Variants in ELAPOR2 observed in about 807,000 individuals in gnomAD.
ELAPOR2 encodes the protein endosome-lysosome associated apoptosis and autophagy regulator family member 2, also known as endosome/lysosome-associated apoptosis and autophagy regulator family member 2.
In ELAPOR2, 89 loss-of-function variants were observed where a neutral mutation model predicts 120.7. The observed-to-expected ratio is 0.74, with a 90% CI of 0.62 to 0.88. ELAPOR2 has a LOEUF of 0.88. Ranked by LOEUF, ELAPOR2 falls within the 40% of genes least tolerant of loss-of-function variation. The pLI, the probability that ELAPOR2 is intolerant of heterozygous loss-of-function variation, is 0.00. For synonymous variants in ELAPOR2, 444 were observed against 444.9 expected (o/e 1.00, Z 0.03); for missense variants, 1,134 against 1,251.6 (o/e 0.91, Z 1.42).
rs779137342 is a variant in ELAPOR2, at chr7:86,895,448, G to C, written c.2685+2058C>G. Among the ~76,000 whole-genome samples the C allele has an allele frequency of 4.6e-5, 7 of 152,020 alleles. No homozygotes were observed. In the East Asian group the frequency reaches 1.2e-3, roughly 25 times the overall value. On this transcript the variant is annotated intron_variant, in intron 19 of 21. Coordinates refer to ENST00000450689, the MANE Select transcript of ELAPOR2 (RefSeq NM_001142749.3). ...AAATATTTCCAAAACTGGTATCTAA[G>C]CATAACAGAAGGATATATTTAACTA...
chr7:87,030,779 C>T (rs536467094), intron 1 of ELAPOR2, among the ~76,000 whole-genome samples: 10 of 152,228 alleles, frequency 6.6e-5, no homozygotes, highest in South Asian at 2.1e-4. Flanking sequence ...CTTATTTTCT[C>T]GTTATATAGT....
chr7:86,937,242 A>G (rs1366487399), intron 8 of ELAPOR2, among the ~76,000 whole-genome samples: 3 of 152,098 alleles, frequency 2.0e-5, no homozygotes, highest in Admixed American at 6.6e-5. Context: ...AACAATTCAA[A>G]GTAATATTCC....
chr7:86,950,381 G>C (rs1443753117), intron 2 of ELAPOR2, among the ~76,000 whole-genome samples: 4 of 152,226 alleles, frequency 2.6e-5, no homozygotes, highest in African/African-American at 9.7e-5. Context: ...ACAAGAAGGA[G>C]AGAAGAGCTG....
intron 1 of ELAPOR2, among the ~76,000 whole-genome samples, chr7:86,993,444 A>T (rs1334388256): frequency 1.3e-5 from 2 of 152,106 alleles, no homozygotes; most frequent in Non-Finnish European, 2.9e-5. Flanking sequence ...GAGATGAGTT[A>T]TTTCAATACA....
intron 1 of ELAPOR2, among the ~76,000 whole-genome samples, chr7:86,978,191 T>G (rs1437267433): frequency 1.3e-5 from 2 of 152,192 alleles, no homozygotes; most frequent in East Asian, 3.8e-4. Flanking sequence ...TTTCCACTGC[T>G]TGCAGTCATT....
intron 1 of ELAPOR2, among the ~76,000 whole-genome samples, chr7:87,013,309 T>G (rs555503376): frequency 2.0e-5 from 3 of 152,266 alleles, no homozygotes; most frequent in East Asian, 3.9e-4. Flanking sequence ...TAAAAAATGT[T>G]AACAAATACC....
chr7:87,021,371 CATAAG>C (rs1269324609), intron 1 of ELAPOR2, among the ~76,000 whole-genome samples: 1 of 152,132 alleles, frequency 6.6e-6, no homozygotes. Context: ...CCAATGTCTT[CATAAG>C]ATGTTTTGTA....
chr7:87,059,114 A>G (rs1456694474), intron 1 of ELAPOR2, among the ~76,000 whole-genome samples: 1 of 152,008 alleles, frequency 6.6e-6, no homozygotes, highest in Non-Finnish European at 1.5e-5. Flanking sequence ...CGCGGACAGA[A>G]AAGCATCCCC....
At chr7:87,046,311 A>C (rs1794955868) in intron 1 of ELAPOR2, among the ~76,000 whole-genome samples, 1 of 152,228 alleles carries the variant, frequency 6.6e-6, no homozygotes, top group Non-Finnish European at 1.5e-5. Flanking sequence ...AGGCCACCAA[A>C]AAATGGGAAA....
intron 8 of ELAPOR2, among the ~76,000 whole-genome samples, chr7:86,937,460 T>A (rs1790609122): frequency 1.3e-5 from 2 of 152,098 alleles, no homozygotes; most frequent in Non-Finnish European, 2.9e-5. Flanking sequence ...CAGTTTCCTC[T>A]CACTGACACA....
At chr7:87,053,448 G>A (rs951333117) in intron 1 of ELAPOR2, among the ~76,000 whole-genome samples, 3 of 152,116 alleles carry the variant, frequency 2.0e-5, no homozygotes, top group Non-Finnish European at 4.4e-5. Flanking sequence ...AGAAAATAGT[G>A]ACCCCCTCTG....
chr7:87,059,514 C>T lies in ELAPOR2; in HGVS notation c.-1G>A. On this transcript the variant is annotated 5_prime_UTR_variant, in exon 1 of 22. Coordinates refer to ENST00000450689, the MANE Select transcript of ELAPOR2 (RefSeq NM_001142749.3). ...CCGGCCCCCGGGCGCGGAACAGCAT[C>T]TTCGTCCGGCCGCGGTCGGCGGGCC... is the stretch of plus-strand genomic sequence containing the variant. 8.4e-7 allele frequency: 1 copy of T among 1,194,344 alleles called. No homozygotes were observed. The highest frequency in any genetic ancestry group is 1.0e-6 in the Non-Finnish European group (1 of 963,608). 74.0% of individuals were successfully genotyped at this position (1,194,344 alleles called of 1,614,324 possible).
intron 1 of ELAPOR2, among the ~76,000 whole-genome samples, chr7:87,041,465 T>C (rs933346697): frequency 1.3e-5 from 2 of 152,014 alleles, no homozygotes; most frequent in South Asian, 2.1e-4. Context: ...TATTCAACAT[T>C]CTTAAAGAAA....
intron 4 of ELAPOR2, among the ~76,000 whole-genome samples, chr7:86,944,501 A>G (rs1790923942): frequency 1.3e-5 from 2 of 152,126 alleles, no homozygotes; most frequent in Non-Finnish European, 2.9e-5. Flanking sequence ...AAAGAGAAAA[A>G]AAACTTTTAA....
intron 8 of ELAPOR2, among the ~76,000 whole-genome samples, chr7:86,927,644 C>T (rs1241671394): frequency 6.6e-6 from 1 of 151,902 alleles, no homozygotes; most frequent in African/African-American, 2.4e-5. Context: ...AGCTGTAACT[C>T]AGTCAAACCC....
chr7:86,930,846 C>T (rs1014002925), intron 8 of ELAPOR2, among the ~76,000 whole-genome samples: 5 of 151,940 alleles, frequency 3.3e-5, no homozygotes, highest in African/African-American at 1.2e-4. Context: ...TTCTTCTTTT[C>T]TAAAATTTCC....
At chr7:87,022,995 A>G (rs567463585) in intron 1 of ELAPOR2, among the ~76,000 whole-genome samples, 14 of 151,968 alleles carry the variant, frequency 9.2e-5, no homozygotes, top group South Asian at 8.3e-4. Flanking sequence ...AGATGAGTAG[A>G]TTGCAAAAAT....
Position 86,926,715 on chromosome 7 carries a change from T to C in ELAPOR2, c.1270+21A>G, listed in dbSNP as rs199769338. 2,667 of 1,587,652 alleles carry C rather than the reference T, an allele frequency of 1.7e-3. 6 individuals carry two copies. Among genetic ancestry groups the C allele is most frequent in the Non-Finnish European group, 2.0e-3 (2,363 of 1,166,606 alleles). ...GATCATTTTGCTAAAGGCCCAGTTA[T>C]TGGACCAATTGACATCCTACCTTTG... On this transcript the variant is annotated intron_variant, in intron 9 of 21. Coordinates refer to ENST00000450689, the MANE Select transcript of ELAPOR2 (RefSeq NM_001142749.3).
chr7:87,012,716 T>C (rs899471021), intron 1 of ELAPOR2, among the ~76,000 whole-genome samples: 14 of 152,196 alleles, frequency 9.2e-5, no homozygotes, highest in African/African-American at 3.1e-4. Context: ...GTTAATCTCA[T>C]GTTAGCAGGG....
Sources: allele counts gnomAD v4.1 joint callset (sites outside exome capture counted in the v4.1 genomes callset), GRCh38; gene constraint gnomAD v4.1.1; transcripts MANE v1.5; gene names NCBI Gene and HGNC (gene_info 2026-07-23, HGNC 2026-07-21).